PTPA: variants seen among roughly 807,000 people sequenced by gnomAD.
PTPA encodes the protein serine/threonine-protein phosphatase 2A activator.
A neutral mutation model predicts 43.6 loss-of-function variants in PTPA; 13 were observed. That is an observed-to-expected ratio of 0.30 (90% CI 0.19 to 0.47). The LOEUF (loss-of-function observed/expected upper bound fraction) is 0.47, where lower values mean the gene tolerates loss of function less well. Ranked by LOEUF, PTPA falls within the 20% of genes least tolerant of loss-of-function variation. The probability of loss-of-function intolerance (pLI) is 0.99; values close to 1 mark genes in which losing one functional copy is unlikely to be tolerated. For synonymous variants in PTPA, 172 were observed against 158.2 expected (o/e 1.09, Z -0.66); for missense variants, 329 against 411.9 (o/e 0.80, Z 1.74).
At chr9:129,118,226 G>C (rs1273489974) in intron 1 of PTPA, among the ~76,000 whole-genome samples, 1 of 149,552 alleles carries the variant, frequency 6.7e-6, no homozygotes, top group African/African-American at 2.5e-5. Context: ...GCTAATTTTT[G>C]TATTTTTAGT....
chr9:129,144,477 G>T (rs1255775967), intron 9 of PTPA, among the ~76,000 whole-genome samples: 1 of 152,128 alleles, frequency 6.6e-6, no homozygotes, highest in Non-Finnish European at 1.5e-5. Context: ...GGTGGCTCAC[G>T]CCTGTAATCC....
chr9:129,119,076 G>A (rs764986780), intron 1 of PTPA: 6 of 181,144 alleles, frequency 3.3e-5, no homozygotes, highest in Non-Finnish European at 7.4e-5. Flanking sequence ...TCAGCTCACT[G>A]CAACCCCCAC....
intron 9 of PTPA, 164 bp downstream of exon 9, chr9:129,142,716 C>T: frequency 1.3e-6 from 2 of 1,539,802 alleles, no homozygotes; most frequent in East Asian, 2.4e-5. Flanking sequence ...TCGGAATCTC[C>T]CATCTGGGGC....
At chr9:129,136,711 A>G (rs1850396830) in intron 7 of PTPA, 116 bp downstream of exon 7, 4 of 1,293,212 alleles carry the variant, frequency 3.1e-6, no homozygotes, top group Non-Finnish European at 4.1e-6. Context: ...GCAGACAGTG[A>G]CAGCTTGGAA....
intron 1 of PTPA, among the ~76,000 whole-genome samples, chr9:129,120,234 G>A (rs1195169193): frequency 6.6e-6 from 1 of 151,258 alleles, no homozygotes; most frequent in Non-Finnish European, 1.5e-5. Flanking sequence ...CTCCAGCCTG[G>A]GCGACAGAGC....
intron 3 of PTPA, among the ~76,000 whole-genome samples, chr9:129,126,834 G>A (rs958464580): frequency 6.6e-6 from 1 of 152,148 alleles, no homozygotes; most frequent in Non-Finnish European, 1.5e-5. Context: ...CTCCTGAAGA[G>A]GAGCTGGGAG....
rs575638447 is a variant in PTPA at position 129,142,708 on chromosome 9, G to A, written c.894+156G>A. On this transcript the variant is annotated intron_variant, in intron 9 of 9. Coordinates refer to ENST00000393370, the MANE Select transcript of PTPA (RefSeq NM_178000.3). ...CAGCCCCTCTGACACTTGGGGCCTC[G>A]GAATCTCCCATCTGGGGCATGGGCA... is the stretch of plus-strand genomic sequence containing the variant. 2.6e-4 allele frequency: 406 copies of A among 1,541,314 alleles called. 4 individuals carry two copies. In the South Asian group the frequency reaches 3.7e-3, roughly 14 times the overall value.
chr9:129,131,613 A>G lies in PTPA; in HGVS notation c.434A>G (p.Asn145Ser), dbSNP rs1250079469. 1.2e-6 allele frequency: 2 copies of G among 1,613,684 alleles called. No individual in the cohort carries two copies. Among genetic ancestry groups the G allele is most frequent in the East Asian group, 2.2e-5 (1 of 44,864 alleles). Residue 145 changes from asparagine (N) to serine (S), a missense_variant, in exon 5 of 10, where the codon AAC becomes AGC. By Grantham distance (46) the Asn-to-Ser change is conservative. Coordinates refer to ENST00000393370, the MANE Select transcript of PTPA (RefSeq NM_178000.3). ...VAVYLKESVG[N>S]STRIDYGTGH... ...GTTTACCTAAAGGAGTCAGTGGGGA[A>G]CTCCACGCGCATTGACTACGGCACA...
chr9:129,120,695 T>G, intron 2 of PTPA, 85 bp downstream of exon 2: 1 of 1,200,570 alleles, frequency 8.3e-7, no homozygotes. Context: ...TTCCTGGCCC[T>G]TCTTGCTCTT....
intron 3 of PTPA, chr9:129,127,922 T>C (rs372654848): frequency 5.7e-5 from 69 of 1,218,232 alleles, no homozygotes; most frequent in African/African-American, 5.6e-4. Flanking sequence ...TGAAATGTTA[T>C]TCACTTAGTA....
intron 6 of PTPA, among the ~76,000 whole-genome samples, chr9:129,135,116 C>T (rs149235416): frequency 2.8e-4 from 42 of 152,300 alleles, no homozygotes; most frequent in African/African-American, 8.2e-4. Flanking sequence ...TCACATAGGC[C>T]GGGCGCGGTG....
intron 1 of PTPA, among the ~76,000 whole-genome samples, chr9:129,115,793 C>A (rs1848824288): frequency 6.6e-6 from 1 of 151,636 alleles, no homozygotes; most frequent in East Asian, 2.0e-4. Context: ...GTGCCCACCA[C>A]CACGCCTGGC....
rs779848632 is a variant in PTPA, at chr9:129,129,118, T to TGCCACAGGACAGGCCAGGGACTGGGCTG, written c.342+11_342+38dup. The TGCCACAGGACAGGCCAGGGACTGGGCTG allele has an allele frequency of 1.6e-5, 26 of 1,612,100 alleles. No individual in the cohort carries two copies. In the East Asian group the frequency reaches 4.5e-4, roughly 28 times the overall value. On this transcript the variant is annotated intron_variant, in intron 4 of 9. Coordinates refer to ENST00000393370, the MANE Select transcript of PTPA (RefSeq NM_178000.3). ...TATGCCAAACTTGATGAGGTGAGGC[T>TGCCACAGGACAGGCCAGGGACTGGGCTG]GCCACAGGACAGGCCAGGGACTGGG...
chr9:129,140,219 C>CG (rs1460334521), intron 8 of PTPA: 1 of 152,780 alleles, frequency 6.5e-6, no homozygotes, highest in East Asian at 1.9e-4. Flanking sequence ...CTGCGGGCTG[C>CG]AGCTCGCTCG....
At chr9:129,129,196 GC>G (rs1849783475) in intron 4 of PTPA, 86 bp downstream of exon 4, 2 of 1,498,518 alleles carry the variant, frequency 1.3e-6, no homozygotes, top group East Asian at 4.6e-5. Context: ...GCATTGTATA[GC>G]GCTTCTAGGC....
intron 7 of PTPA, among the ~76,000 whole-genome samples, chr9:129,136,831 T>C (rs959171611): frequency 2.6e-5 from 4 of 151,860 alleles, no homozygotes; most frequent in Non-Finnish European, 5.9e-5. Context: ...ACCAAGATAA[T>C]GGGAAGTGAC....
chr9:129,147,320 T>G, intron 9 of PTPA, 67 bp from the exon 10 acceptor site: 1 of 1,509,534 alleles, frequency 6.6e-7, no homozygotes, highest in Non-Finnish European at 9.2e-7. Flanking sequence ...GCTGCTGCGG[T>G]TGTTGGGGTC....
In PTPA at chr9:129,148,572, G is replaced by C. The variant is rs1278177493; in HGVS notation, c.*1108G>C. On this transcript the variant is annotated 3_prime_UTR_variant, in exon 10 of 10. Transcript: ENST00000393370. ...CTTTGGCACTCAGAATGGGCCCAGT[G>C]GGGGCTGGGCAGGCCCATTGAGGGC... is the stretch of plus-strand genomic sequence containing the variant. The C allele has an allele frequency of 6.5e-6, 1 of 152,746 alleles. No individual in the cohort carries two copies. Among genetic ancestry groups the C allele is most frequent in the Non-Finnish European group, 1.5e-5 (1 of 68,180 alleles). The allele number at this position is 152,746 out of a possible 1,614,324, so 9.5% of individuals were successfully genotyped here. A position where few individuals can be genotyped will look rare whatever the true frequency, so the allele number is the denominator to read the frequency against.
Position 129,135,344 on chromosome 9 carries a change from G to A in PTPA, c.560+450G>A, listed in dbSNP as rs549853529. 8.5e-5 allele frequency among the ~76,000 whole-genome samples: 13 copies of A among 152,196 alleles called. No homozygotes were observed. In the South Asian group the frequency reaches 2.7e-3, roughly 32 times the overall value. On this transcript the variant is annotated intron_variant, in intron 6 of 9. Transcript: ENST00000393370. ...GGAGGCGGAGGTTGCAGTGAGCTGA[G>A]ATCGTGCCACTGTACTCCAGCCTGG...
Sources: gnomAD v4.1 joint callset for allele counts (sites outside exome capture counted in the v4.1 genomes callset) on GRCh38, gnomAD v4.1.1 for gene constraint, MANE v1.5 for transcripts, NCBI Gene and HGNC (gene_info 2026-07-23, HGNC 2026-07-21) for gene names.